The following MAGI3 variants were observed in gnomAD, a reference collection of about 807,000 sequenced individuals.
The protein encoded by MAGI3 is membrane-associated guanylate kinase, WW and PDZ domain-containing protein 3.
In MAGI3, 43 loss-of-function variants were observed where a neutral mutation model predicts 121.8. That is an observed-to-expected ratio of 0.35 (90% CI 0.28 to 0.46). The LOEUF (loss-of-function observed/expected upper bound fraction) is 0.46. Ranked by LOEUF, MAGI3 falls within the 20% of genes least tolerant of loss-of-function variation. The pLI is 1.00. For missense variants in MAGI3, 1,547 were observed against 1,797.3 expected (o/e 0.86, Z 2.52); for synonymous variants, 553 against 639.3 (o/e 0.86, Z 2.04).
intron 1 of MAGI3, among the ~76,000 whole-genome samples, chr1:113,444,327 C>T (rs146768569): frequency 6.6e-6 from 1 of 152,318 alleles, no homozygotes; most frequent in East Asian, 1.9e-4. Context: ...TACCTACCCC[C>T]ATTGTTGCAG....
intron 1 of MAGI3, among the ~76,000 whole-genome samples, chr1:113,493,467 G>C (rs958235662): frequency 2.0e-5 from 3 of 152,136 alleles, no homozygotes; most frequent in African/African-American, 7.2e-5. Flanking sequence ...GCATAGGAGT[G>C]GGCAAATTTT....
chr1:113,661,472 T>C (rs1234622226), intron 16 of MAGI3, among the ~76,000 whole-genome samples: 1 of 152,222 alleles, frequency 6.6e-6, no homozygotes, highest in Non-Finnish European at 1.5e-5. Context: ...AAATGCTTAC[T>C]CTCAATATCT....
intron 1 of MAGI3, among the ~76,000 whole-genome samples, chr1:113,468,935 G>C (rs1398687791): frequency 1.3e-5 from 2 of 151,988 alleles, no homozygotes; most frequent in African/African-American, 4.8e-5. Context: ...CTTTAATATA[G>C]TAGATACTTA....
intron 1 of MAGI3, among the ~76,000 whole-genome samples, chr1:113,447,492 T>G (rs895557592): frequency 2.6e-5 from 4 of 152,170 alleles, no homozygotes; most frequent in Admixed American, 2.0e-4. Flanking sequence ...GGAATTAAAC[T>G]TCAACGTAAC....
chr1:113,488,476 T>TG (rs1468924430), intron 1 of MAGI3, among the ~76,000 whole-genome samples: 1 of 151,966 alleles, frequency 6.6e-6, no homozygotes, highest in Non-Finnish European at 1.5e-5. Context: ...TCAGGTGCCC[T>TG]GGGGGGCCTG....
chr1:113,459,177 G>A (rs1216749958), intron 1 of MAGI3, among the ~76,000 whole-genome samples: 1 of 152,066 alleles, frequency 6.6e-6, no homozygotes, highest in African/African-American at 2.4e-5. Context: ...AACTTTGATG[G>A]CTAAGATTTT....
intron 1 of MAGI3, among the ~76,000 whole-genome samples, chr1:113,495,160 G>A (rs1422946658): frequency 1.3e-5 from 2 of 152,042 alleles, no homozygotes; most frequent in African/African-American, 4.8e-5. Context: ...TAACTGCTAA[G>A]TGATTCGAAG....
chr1:113,664,564 A>C (rs1653939867), intron 16 of MAGI3, among the ~76,000 whole-genome samples: 1 of 152,314 alleles, frequency 6.6e-6, no homozygotes, highest in African/African-American at 2.4e-5. Flanking sequence ...TAAAAAAATA[A>C]AAAAACAGTG....
chr1:113,486,401 G>T (rs998635402), intron 1 of MAGI3, among the ~76,000 whole-genome samples: 2 of 152,050 alleles, frequency 1.3e-5, no homozygotes, highest in African/African-American at 4.8e-5. Flanking sequence ...GTGTTTTGTA[G>T]TTTTCCTTGT....
intron 1 of MAGI3, among the ~76,000 whole-genome samples, chr1:113,493,664 A>C (rs79750970): frequency 0.023 from 3,539 of 152,290 alleles, 130 homozygotes; most frequent in African/African-American, 0.081. Flanking sequence ...TCTGTAATGA[A>C]CTTCGATTTA....
Position 113,422,764 on chromosome 1 carries a change from G to C in MAGI3, c.316+31415G>C, listed in dbSNP as rs531933578. 9.8e-5 allele frequency among the ~76,000 whole-genome samples: 15 copies of C among 152,306 alleles called. No homozygotes were observed. The South Asian group carries it at 1.5e-3, about 15-fold the overall frequency. On this transcript the variant is annotated intron_variant, in intron 1 of 20. Transcript: ENST00000307546. The surrounding 1 kb of genome is among the most constrained non-coding windows in gnomAD (Gnocchi z 4.3). ...TATTGCCCTCAGTGTGGCGAGTGGG[G>C]GAGGCATGTTTCGGGGGGCATGTTT...
chr1:113,516,099 T>C (rs537833359), intron 1 of MAGI3, among the ~76,000 whole-genome samples: 7 of 151,840 alleles, frequency 4.6e-5, no homozygotes, highest in South Asian at 4.2e-4. Flanking sequence ...AACAGAAGAG[T>C]GAACTCATGT....
At chr1:113,425,080 A>AACTCCCT (rs1652929047) in intron 1 of MAGI3, among the ~76,000 whole-genome samples, 1 of 151,710 alleles carries the variant, frequency 6.6e-6, no homozygotes, top group African/African-American at 2.4e-5. Context: ...AATCACTTGA[A>AACTCCCT]CCTGGGAGAT....
chr1:113,659,179 C>T lies in MAGI3; in HGVS notation c.2729C>T (p.Ser910Phe), dbSNP rs141038054. 9.1e-5 allele frequency: 147 copies of T among 1,613,868 alleles called. No homozygotes were observed. The highest frequency in any genetic ancestry group is 9.4e-5 in the Non-Finnish European group (111 of 1,179,948). The change falls in exon 16 of 21, where the codon TCC (serine) becomes TTC (phenylalanine). Residue 910 changes from serine (S) to phenylalanine (F), a missense_variant. Ser to Phe is a radical substitution (Grantham distance 155). Coordinates refer to ENST00000307546, the MANE Select transcript of MAGI3 (RefSeq NM_001142782.2). ...GDHISAVNGQ[S>F]IVELSHDNIV... ...CATATCTCTGCAGTGAATGGGCAGT[C>T]CATTGTTGAACTGTCTCATGATAAC...
At chr1:113,616,440 A>T (rs1650470355) in intron 7 of MAGI3, among the ~76,000 whole-genome samples, 1 of 152,180 alleles carries the variant, frequency 6.6e-6, no homozygotes, top group South Asian at 2.1e-4. Flanking sequence ...TGGAGATAAA[A>T]AGCTGTTACT....
At chr1:113,638,943 G>A (rs547851933) in intron 9 of MAGI3, among the ~76,000 whole-genome samples, 106 of 152,116 alleles carry the variant, frequency 7.0e-4, no homozygotes, top group African/African-American at 2.3e-3. Context: ...AATGGCGGGC[G>A]CCCCTCCCCC....
At chr1:113,653,408 C>T (rs1471748551) in intron 14 of MAGI3, among the ~76,000 whole-genome samples, 1 of 151,996 alleles carries the variant, frequency 6.6e-6, no homozygotes, top group African/African-American at 2.4e-5. Context: ...CCCATCTCTT[C>T]TAAAAATACA....
chr1:113,538,914 T>G (rs1439626926), intron 1 of MAGI3, among the ~76,000 whole-genome samples: 1 of 152,194 alleles, frequency 6.6e-6, no homozygotes. Flanking sequence ...CATGTAGAAC[T>G]TGGAAGTTTT....
chr1:113,468,989 T>C (rs918338843), intron 1 of MAGI3, among the ~76,000 whole-genome samples: 8 of 152,170 alleles, frequency 5.3e-5, no homozygotes, highest in Admixed American at 2.0e-4. Flanking sequence ...ATTGTGACCA[T>C]AAGCCTTTTG....
Sources: allele counts gnomAD v4.1 joint callset (sites outside exome capture counted in the v4.1 genomes callset), GRCh38; gene constraint gnomAD v4.1.1; non-coding constraint Gnocchi (gnomAD v3.1); transcripts MANE v1.5; gene names NCBI Gene and HGNC (gene_info 2026-07-23, HGNC 2026-07-21).